The following SLCO5A1 variants were observed in gnomAD, a reference collection of about 807,000 sequenced individuals.
SLCO5A1 encodes the protein solute carrier organic anion transporter family member 5A1.
SLCO5A1 carries 39 observed loss-of-function variants against 65.1 expected under a neutral mutation model. The observed-to-expected ratio is 0.60, with a 90% CI of 0.46 to 0.78. The LOEUF (loss-of-function observed/expected upper bound fraction) is 0.78, where lower values mean the gene tolerates loss of function less well. Ranked by LOEUF, SLCO5A1 falls within the 30% of genes least tolerant of loss-of-function variation. The probability of loss-of-function intolerance (pLI) is 0.00; values close to 1 mark genes in which losing one functional copy is unlikely to be tolerated. For missense variants in SLCO5A1, 1,029 were observed against 1,069.4 expected (o/e 0.96, Z 0.53); for synonymous variants, 438 against 415.7 (o/e 1.05, Z -0.65).
intron 5 of SLCO5A1, among the ~76,000 whole-genome samples, chr8:69,731,762 G>A (rs548405451): frequency 6.6e-6 from 1 of 152,128 alleles, no homozygotes; most frequent in Non-Finnish European, 1.5e-5. Context: ...TGATATAAGT[G>A]GGAAGACTTT....
intron 6 of SLCO5A1, among the ~76,000 whole-genome samples, chr8:69,701,113 C>A (rs1814717161): frequency 6.6e-6 from 1 of 152,070 alleles, no homozygotes; most frequent in South Asian, 2.1e-4. Context: ...GGAAATGGAA[C>A]TCTGAGCTCA....
chr8:69,708,559 T>C (rs1203915518), intron 5 of SLCO5A1, among the ~76,000 whole-genome samples: 1 of 81,810 alleles, frequency 1.2e-5, no homozygotes, highest in East Asian at 2.9e-4. Flanking sequence ...AGACACTGTT[T>C]CAAAAAAAAA....
At chr8:69,814,532 G>C (rs1442918476) in intron 2 of SLCO5A1, among the ~76,000 whole-genome samples, 1 of 152,154 alleles carries the variant, frequency 6.6e-6, no homozygotes, top group Non-Finnish European at 1.5e-5. Flanking sequence ...TGTGGAGAAA[G>C]GGGAAAACTT....
At chr8:69,828,701 G>A (rs1438798819) in intron 2 of SLCO5A1, among the ~76,000 whole-genome samples, 1 of 152,078 alleles carries the variant, frequency 6.6e-6, no homozygotes, top group East Asian at 1.9e-4. Flanking sequence ...CCCCTACCTT[G>A]CACTGGCGGT....
intron 5 of SLCO5A1, among the ~76,000 whole-genome samples, chr8:69,721,761 C>A (rs757486457): frequency 2.0e-5 from 3 of 152,118 alleles, no homozygotes; most frequent in Non-Finnish European, 4.4e-5. Flanking sequence ...ATATTTTAGA[C>A]TAATTTTCCA....
chr8:69,816,538 G>A (rs1333344757), intron 2 of SLCO5A1, among the ~76,000 whole-genome samples: 1 of 152,164 alleles, frequency 6.6e-6, no homozygotes, highest in Non-Finnish European at 1.5e-5. Flanking sequence ...GGCTACTGCA[G>A]GAGCACCCAA....
At chr8:69,683,125 G>T (rs1348219899) in intron 6 of SLCO5A1, among the ~76,000 whole-genome samples, 4 of 152,134 alleles carry the variant, frequency 2.6e-5, no homozygotes, top group Non-Finnish European at 5.9e-5. Context: ...GGCAGGTAAG[G>T]ATATAGGCCT....
At chr8:69,824,920 T>C (rs1820805225) in intron 2 of SLCO5A1, among the ~76,000 whole-genome samples, 1 of 152,060 alleles carries the variant, frequency 6.6e-6, no homozygotes, top group Non-Finnish European at 1.5e-5. Context: ...ATCAAAAAGC[T>C]TATCCACCGT....
chr8:69,762,122 C>G (rs562559399), intron 2 of SLCO5A1, among the ~76,000 whole-genome samples: 1 of 4,970 alleles, frequency 2.0e-4, no homozygotes, highest in South Asian at 6.8e-3. Flanking sequence ...GTTTTGTTTT[C>G]TTTCTTTCTT....
At chr8:69,760,735 A>T (rs1817733004) in intron 3 of SLCO5A1, among the ~76,000 whole-genome samples, 1 of 152,210 alleles carries the variant, frequency 6.6e-6, no homozygotes, top group African/African-American at 2.4e-5. Context: ...AAAATAACTT[A>T]TCATGTTCAA....
chr8:69,755,281 T>G (rs1817490389), intron 4 of SLCO5A1, 143 bp downstream of exon 4: 2 of 512,490 alleles, frequency 3.9e-6, no homozygotes, highest in Admixed American at 3.8e-5. Flanking sequence ...CTGTCAAGTT[T>G]CTAAGAGTTT....
At chr8:69,797,501 C>T (rs1419086043) in intron 2 of SLCO5A1, among the ~76,000 whole-genome samples, 1 of 152,244 alleles carries the variant, frequency 6.6e-6, no homozygotes, top group African/African-American at 2.4e-5. Context: ...CGGAACAGAG[C>T]CATATATCTC....
intron 2 of SLCO5A1, among the ~76,000 whole-genome samples, chr8:69,821,734 A>G (rs1820652507): frequency 6.6e-6 from 1 of 151,698 alleles, no homozygotes; most frequent in African/African-American, 2.4e-5. Flanking sequence ...GAGCCCAGGG[A>G]ACTTGAGGCT....
chr8:69,747,807 A>G (rs1381339324), intron 4 of SLCO5A1, among the ~76,000 whole-genome samples: 1 of 152,230 alleles, frequency 6.6e-6, no homozygotes, highest in Non-Finnish European at 1.5e-5. Flanking sequence ...TCCTGCAGTG[A>G]AAACCTTAGT....
chr8:69,831,734 T>C, intron 2 of SLCO5A1, 33 bp downstream of exon 2: 1 of 1,583,876 alleles, frequency 6.3e-7, no homozygotes. Flanking sequence ...TCAGTGTGAG[T>C]GAAACATATC....
intron 5 of SLCO5A1, among the ~76,000 whole-genome samples, chr8:69,725,393 G>C (rs1276484818): frequency 6.6e-6 from 1 of 152,034 alleles, no homozygotes; most frequent in Non-Finnish European, 1.5e-5. Flanking sequence ...AGTACCCCCA[G>C]AAAGGCAAAA....
intron 4 of SLCO5A1, among the ~76,000 whole-genome samples, chr8:69,749,426 T>C (rs1294476365): frequency 1.3e-5 from 2 of 152,100 alleles, no homozygotes; most frequent in African/African-American, 2.4e-5. Context: ...AAGACCAGCC[T>C]GGCCAACATG....
At chr8:69,774,342 T>A (rs1163537711) in intron 2 of SLCO5A1, among the ~76,000 whole-genome samples, 2 of 152,100 alleles carry the variant, frequency 1.3e-5, no homozygotes, top group Admixed American at 6.5e-5. Context: ...GTCCCTATGG[T>A]TTACAGTCAC....
At chr8:69,811,146 TCCCATACACAACCAGATC>T (rs1820188374) in intron 2 of SLCO5A1, among the ~76,000 whole-genome samples, 1 of 152,120 alleles carries the variant, frequency 6.6e-6, no homozygotes, top group Non-Finnish European at 1.5e-5. Flanking sequence ...CTGGAGTTAC[TCCCATACACAACCAGATC>T]TTGCTGGTTG....
Sources: gnomAD v4.1 joint callset for allele counts (sites outside exome capture counted in the v4.1 genomes callset) on GRCh38, gnomAD v4.1.1 for gene constraint, MANE v1.5 for transcripts, NCBI Gene and HGNC (gene_info 2026-07-23, HGNC 2026-07-21) for gene names.